The following IFI6 variants were observed in gnomAD, a reference collection of about 807,000 sequenced individuals.
The protein encoded by IFI6 is interferon alpha-inducible protein 6.
In IFI6, 10 loss-of-function variants were observed where a neutral mutation model predicts 12.7. That is an observed-to-expected ratio of 0.79 (90% CI 0.49 to 1.33). The LOEUF is 1.33. Among genes scored for constraint, IFI6 ranks in the 40% most tolerant of loss-of-function variants. The pLI, the probability that IFI6 is intolerant of heterozygous loss-of-function variation, is 0.00. For synonymous variants in IFI6, 89 were observed against 86.2 expected (o/e 1.03, Z -0.18); for missense variants, 154 against 180.4 (o/e 0.85, Z 0.84).
intron 4 of IFI6, among the ~76,000 whole-genome samples, chr1:27,666,936 C>G (rs983337379): frequency 6.6e-6 from 1 of 151,580 alleles, no homozygotes; most frequent in Non-Finnish European, 1.5e-5. Flanking sequence ...TGGGCTGGTT[C>G]TTTGGGCTTT....
At position 27,666,234 on chromosome 1, in the gene IFI6, G is replaced by A. The variant is rs1376198053; in HGVS notation, c.*147C>T. ...TTGGAGGCTGCAGTGTACTATGTTC[G>A]CATCTGTGAATAGCCACTGCACTCT... On this transcript the variant is annotated 3_prime_UTR_variant, in exon 5 of 5. Coordinates refer to ENST00000361157, the MANE Select transcript of IFI6 (RefSeq NM_002038.4). 5.1e-5 allele frequency: 27 copies of A among 528,760 alleles called. No individual in the cohort carries two copies. Among genetic ancestry groups the A allele is most frequent in the Non-Finnish European group, 7.6e-5 (24 of 314,952 alleles). 32.8% of individuals were successfully genotyped at this position (528,760 alleles called of 1,614,324 possible).
In IFI6 at chr1:27,666,433, A is replaced by G. The variant is rs753609150; in HGVS notation, c.341T>C (p.Leu114Pro). The change falls in exon 5 of 5, where the codon CTG becomes CCG. Residue 114 changes from leucine to proline, a missense_variant. Coordinates refer to ENST00000361157, the MANE Select transcript of IFI6 (RefSeq NM_002038.4). ...ATACTTGTGGGTGGCGTAGCCCATCAGGGCACCAATATTACCTATGACGAC... is the reference window on the plus strand; with the variant it reads ...ATACTTGTGGGTGGCGTAGCCCATCGGGGCACCAATATTACCTATGACGAC... The part of the protein sequence containing the change: ...SSVVIGNIGA[L>P]MGYATHKYLD... The G allele has an allele frequency of 2.0e-5, 32 of 1,613,930 alleles. No individual in the cohort carries two copies. The highest frequency in any genetic ancestry group is 2.6e-5 in the Non-Finnish European group (31 of 1,179,944).
rs1255163742 is a variant in IFI6, at chr1:27,666,282, C to A, written c.*99G>T. ...TCTAGCCTGGACAATATAGTGAGAA[C>A]CCATCTCAAAAAAAAAAAAAAAAAA... On this transcript the variant is annotated 3_prime_UTR_variant, in exon 5 of 5. Coordinates refer to ENST00000361157, the MANE Select transcript of IFI6 (RefSeq NM_002038.4). The A allele has an allele frequency of 9.1e-5, 54 of 596,260 alleles. No homozygotes were observed. In the South Asian group the frequency reaches 9.5e-4, roughly 11 times the overall value. The allele number at this position is 596,260 out of a possible 1,614,324, so 36.9% of individuals were successfully genotyped here.
In IFI6 at chr1:27,669,284, A is replaced by G. The variant is rs1230387815; in HGVS notation, c.31T>C (p.Cys11Arg). ...CTGCAAGTGAAGAGCAGCAGGTAGC[A>G]CAAGAAAAGCGATACCGCCTTCTGC... MRQKAVSLFL[C>R]YLLLFTCSGV... Residue 11 changes from cysteine (C) to arginine (R), a missense_variant, in exon 2 of 5, where the codon TGC becomes CGC. Physicochemically the swap from Cys to Arg is radical, Grantham distance 180. Transcript: ENST00000361157. 10 of 1,552,330 alleles carry G rather than the reference A, an allele frequency of 6.4e-6. No homozygotes were observed. The highest frequency in any genetic ancestry group is 8.7e-6 in the Non-Finnish European group (10 of 1,147,298).
At position 27,666,193 on chromosome 1, in the gene IFI6, C is replaced by T. The variant is rs1248232505; in HGVS notation, c.*188G>A. 1 of 447,532 alleles carries T rather than the reference C, an allele frequency of 2.2e-6. No homozygotes were observed. The highest frequency in any genetic ancestry group is 4.1e-5 in the Admixed American group (1 of 24,296). 27.7% of individuals were successfully genotyped at this position (447,532 alleles called of 1,614,324 possible). ...ACTTGGGAGGTTGAGACAGGAGGAT[C>T]ACTTGAGGCTAGGAGTTGGAGGCTG... On this transcript the variant is annotated 3_prime_UTR_variant, in exon 5 of 5. Coordinates refer to ENST00000361157, the MANE Select transcript of IFI6 (RefSeq NM_002038.4).
At chr1:27,668,161 C>T in intron 4 of IFI6, 65 bp downstream of exon 4, 3 of 1,362,028 alleles carry the variant, frequency 2.2e-6, no homozygotes, top group Non-Finnish European at 2.9e-6. Context: ...GCCTCAGTTT[C>T]CCCAGATGTA....
chr1:27,666,357 A>C lies in IFI6; in HGVS notation c.*24T>G, dbSNP rs769076454. 1.4e-6 allele frequency: 2 copies of C among 1,474,848 alleles called. No homozygotes were observed. The highest frequency in any genetic ancestry group is 9.4e-7 in the Non-Finnish European group (1 of 1,061,970). The allele number at this position is 1,474,848 out of a possible 1,614,324, so 91.4% of individuals were successfully genotyped here. Reference sequence around the variant, plus strand: ...ACTGGAAGAGTTAGGCCAAGAAGGAAGAAGAGGTTCTGGGAGCTGCTGGCT... The same window carrying C: ...ACTGGAAGAGTTAGGCCAAGAAGGACGAAGAGGTTCTGGGAGCTGCTGGCT... On this transcript the variant is annotated 3_prime_UTR_variant, in exon 5 of 5. Coordinates refer to ENST00000361157, the MANE Select transcript of IFI6 (RefSeq NM_002038.4).
intron 1 of IFI6, among the ~76,000 whole-genome samples, chr1:27,671,379 A>AT (rs57090710): frequency 0.049 from 6,421 of 131,330 alleles, 330 homozygotes; most frequent in African/African-American, 0.12. Context: ...CCAAGCCCAC[A>AT]TTTTTTTTTT....
At position 27,668,670 on chromosome 1, in the gene IFI6, G is replaced by A. The variant is rs530963448; in HGVS notation, c.71-135C>T. On this transcript the variant is annotated intron_variant, in intron 2 of 4. Transcript: ENST00000361157. The stretch of plus-strand genomic sequence containing the variant: ...CCTACTCAGAGAGCCTCACAGAGGG[G>A]AAGGGACTTTCCCCTAGGCGCCGAG... 32 of 684,556 alleles carry A rather than the reference G, an allele frequency of 4.7e-5. No individual in the cohort carries two copies. In the East Asian group the frequency reaches 8.8e-4, roughly 19 times the overall value. 42.4% of individuals were successfully genotyped at this position (684,556 alleles called of 1,614,324 possible).
chr1:27,669,260 T>G lies in IFI6; in HGVS notation c.55A>C (p.Ser19Arg), dbSNP rs752000171. 7 of 1,551,968 alleles carry G rather than the reference T, an allele frequency of 4.5e-6. No individual in the cohort carries two copies. Among genetic ancestry groups the G allele is most frequent in the South Asian group, 1.2e-5 (1 of 84,078 alleles). Residue 19 changes from serine to arginine, a missense_variant, in exon 2 of 5, where the codon AGT becomes CGT. By Grantham distance (110) the Ser-to-Arg change is moderately radical. Transcript: ENST00000361157. ...FLCYLLLFTC[S>R]GVEAGKKKCS... is the part of the protein sequence containing the mutation. ...GCATTCTCACCTGCCTCCACCCCACTGCAAGTGAAGAGCAGCAGGTAGCAC... is the reference window on the plus strand; with the variant it reads ...GCATTCTCACCTGCCTCCACCCCACGGCAAGTGAAGAGCAGCAGGTAGCAC...
At position 27,666,336 on chromosome 1, in the gene IFI6, G is replaced by A. The variant is rs776119018; in HGVS notation, c.*45C>T. On this transcript the variant is annotated 3_prime_UTR_variant, in exon 5 of 5. Transcript: ENST00000361157. ...AAGGCAAAGTTCTAGATCCTAACTG[G>A]AAGAGTTAGGCCAAGAAGGAAGAAG... 55 of 948,922 alleles carry A rather than the reference G, an allele frequency of 5.8e-5. No homozygotes were observed. Among genetic ancestry groups the A allele is most frequent in the African/African-American group, 2.9e-4 (17 of 58,156 alleles). The allele number at this position is 948,922 out of a possible 1,614,324, so 58.8% of individuals were successfully genotyped here. A position where few individuals can be genotyped will look rare whatever the true frequency, so the allele number is the denominator to read the frequency against.
chr1:27,671,464 T>C (rs1006277818), intron 1 of IFI6, among the ~76,000 whole-genome samples: 1 of 147,514 alleles, frequency 6.8e-6, no homozygotes, highest in African/African-American at 2.5e-5. Context: ...CACTGCAAGC[T>C]CCACCTCCCA....
chr1:27,668,475 A>G lies in IFI6; in HGVS notation c.131T>C (p.Phe44Ser). The G allele has an allele frequency of 6.2e-7, 1 of 1,611,714 alleles. No homozygotes were observed. Among genetic ancestry groups the G allele is most frequent in the Non-Finnish European group, 8.5e-7 (1 of 1,179,018 alleles). Residue 44 changes from phenylalanine (F) to serine (S), a missense_variant, in exon 3 of 5, where the codon TTC becomes TCC. By Grantham distance (155) the Phe-to-Ser change is radical. Transcript: ENST00000361157. ...AGACCCACCTCCTCCGACGGCCATG[A>G]AGGTCAGGGCCTTCCAGAACCCGGA... The part of the protein sequence containing the change: ...SGSGFWKALT[F>S]MAVGGGLAVA...
intron 4 of IFI6, among the ~76,000 whole-genome samples, chr1:27,666,861 C>G (rs1293869108): frequency 1.3e-5 from 2 of 152,072 alleles, no homozygotes; most frequent in Admixed American, 1.3e-4. Flanking sequence ...TGTCCCTGGG[C>G]TCGCCCACAC....
chr1:27,670,325 TG>T (rs2090394812), intron 1 of IFI6: 1 of 152,186 alleles, frequency 6.6e-6, no homozygotes, highest in African/African-American at 2.4e-5. Context: ...CTCACTCTAT[TG>T]CTCAGGCTGG....
At chr1:27,669,520 G>T in intron 1 of IFI6, 174 bp from the exon 2 acceptor site, 1 of 564,434 alleles carries the variant, frequency 1.8e-6, no homozygotes, top group African/African-American at 1.9e-5. Context: ...ATCAGTGGCA[G>T]AGATGTCCCT....
chr1:27,671,242 G>A (rs1378504088), intron 1 of IFI6, among the ~76,000 whole-genome samples: 1 of 152,118 alleles, frequency 6.6e-6, no homozygotes, highest in African/African-American at 2.4e-5. Context: ...CACGAAGTAG[G>A]TACCATTGTT....
At position 27,666,305 on chromosome 1, in the gene IFI6, A is replaced by AAG. The variant is rs1195201797; in HGVS notation, c.*75_*76insCT. 2 of 728,520 alleles carry AAG rather than the reference A, an allele frequency of 2.7e-6. No individual in the cohort carries two copies. Among genetic ancestry groups the AAG allele is most frequent in the African/African-American group, 3.7e-5 (2 of 54,790 alleles). 45.1% of individuals were successfully genotyped at this position (728,520 alleles called of 1,614,324 possible). A position where few individuals can be genotyped will look rare whatever the true frequency, so the allele number is the denominator to read the frequency against. The stretch of plus-strand genomic sequence containing the variant: ...AACCCATCTCAAAAAAAAAAAAAAA[A>AAG]AAAAAAAGGCAAAGTTCTAGATCCT... On this transcript the variant is annotated 3_prime_UTR_variant, in exon 5 of 5. Transcript: ENST00000361157.
chr1:27,670,393 C>T (rs951549097), intron 1 of IFI6: 4 of 152,130 alleles, frequency 2.6e-5, no homozygotes, highest in African/African-American at 9.7e-5. Flanking sequence ...CTCAAGTGAT[C>T]CTCCCACCTC....
Sources: gnomAD v4.1 joint callset for allele counts (sites outside exome capture counted in the v4.1 genomes callset) on GRCh38, gnomAD v4.1.1 for gene constraint, MANE v1.5 for transcripts, NCBI Gene and HGNC (gene_info 2026-07-23, HGNC 2026-07-21) for gene names.